NAALADL2: variants seen among roughly 807,000 people sequenced by gnomAD.
The protein encoded by NAALADL2 is N-acetylated alpha-linked acidic dipeptidase like 2, also known as inactive N-acetylated-alpha-linked acidic dipeptidase-like protein 2.
In NAALADL2, 76 loss-of-function variants were observed where a neutral mutation model predicts 87.2. The observed-to-expected ratio is 0.87, with a 90% CI of 0.72 to 1.05. NAALADL2 has a LOEUF of 1.05. Among genes scored for constraint, NAALADL2 ranks in the 50% least tolerant of loss-of-function variants. NAALADL2 has a pLI of 0.00. For missense variants in NAALADL2, 1,089 were observed against 945.8 expected, an observed-to-expected ratio of 1.15 and a Z score of -1.99; for synonymous variants, 354 against 331.0, an observed-to-expected ratio of 1.07 and a Z score of -0.75.
intron 12 of NAALADL2, among the ~76,000 whole-genome samples, chr3:175,746,762 A>C (rs1170727851): frequency 2.0e-5 from 3 of 152,214 alleles, no homozygotes; most frequent in African/African-American, 7.2e-5. Flanking sequence ...AGAGAAGTTT[A>C]ATAAGAGGTT....
chr3:175,686,949 G>C (rs1213764397), intron 11 of NAALADL2, among the ~76,000 whole-genome samples: 4 of 151,998 alleles, frequency 2.6e-5, no homozygotes, highest in African/African-American at 9.7e-5. Flanking sequence ...TCACTCTGTG[G>C]CATTTACACT....
intron 2 of NAALADL2, among the ~76,000 whole-genome samples, chr3:175,192,689 T>C: frequency 6.6e-6 from 1 of 152,072 alleles, no homozygotes; most frequent in East Asian, 1.9e-4. Flanking sequence ...TATTTCTGAA[T>C]GATGACTAAC....
chr3:175,526,164 C>T (rs1478326744), intron 9 of NAALADL2, among the ~76,000 whole-genome samples: 1 of 152,190 alleles, frequency 6.6e-6, no homozygotes, highest in Non-Finnish European at 1.5e-5. Flanking sequence ...TTTGCAGTAG[C>T]AACTAGTGTT....
At chr3:175,591,525 G>C (rs1303609720) in intron 10 of NAALADL2, among the ~76,000 whole-genome samples, 7 of 151,826 alleles carry the variant, frequency 4.6e-5, no homozygotes, top group African/African-American at 9.7e-5. Flanking sequence ...AGAACACTAT[G>C]CTATGCATTA....
intron 2 of NAALADL2, among the ~76,000 whole-genome samples, chr3:175,113,291 G>A (rs1724519555): frequency 6.6e-6 from 1 of 151,538 alleles, no homozygotes; most frequent in South Asian, 2.1e-4. Flanking sequence ...TTCATCAAAT[G>A]TATGGTCAGT....
intron 9 of NAALADL2, among the ~76,000 whole-genome samples, chr3:175,556,495 AAT>A (rs1344944421): frequency 1.3e-5 from 2 of 152,226 alleles, no homozygotes; most frequent in Non-Finnish European, 2.9e-5. Flanking sequence ...CTCTCAAGCT[AAT>A]AGTTTATAAA....
chr3:174,817,889 G>A (rs921702524), intron 3 of NAALADL2, among the ~76,000 whole-genome samples: 32 of 152,074 alleles, frequency 2.1e-4, no homozygotes, highest in Non-Finnish European at 1.5e-5. Flanking sequence ...AAGCTTGTTC[G>A]TTTTCAGATT....
intron 2 of NAALADL2, among the ~76,000 whole-genome samples, chr3:174,606,358 G>A (rs1049327559): frequency 2.0e-5 from 3 of 152,034 alleles, no homozygotes; most frequent in African/African-American, 4.8e-5. Context: ...GGCTTCAGAC[G>A]ATCAAACTAC....
intron 6 of NAALADL2, among the ~76,000 whole-genome samples, chr3:175,455,637 T>C (rs548160277): frequency 9.9e-5 from 15 of 152,196 alleles, no homozygotes; most frequent in Admixed American, 2.0e-4. Context: ...TGAAAATGTG[T>C]GCGCATGTAT....
intron 2 of NAALADL2, among the ~76,000 whole-genome samples, chr3:174,608,534 C>T (rs1233973402): frequency 2.6e-5 from 4 of 151,484 alleles, no homozygotes; most frequent in African/African-American, 7.3e-5. Flanking sequence ...ACTACAAACA[C>T]CTCTACGCAA....
chr3:174,617,791 G>C (rs1720607022), intron 2 of NAALADL2, among the ~76,000 whole-genome samples: 1 of 151,744 alleles, frequency 6.6e-6, no homozygotes, highest in African/African-American at 2.4e-5. Context: ...TATAAACTGG[G>C]TGGGGAATGG....
intron 1 of NAALADL2, among the ~76,000 whole-genome samples, chr3:174,987,583 A>C (rs1383425528): frequency 1.6e-5 from 2 of 122,912 alleles, no homozygotes; most frequent in South Asian, 2.6e-4. Flanking sequence ...AAAAAAAAAA[A>C]AAAAAAAAAA....
intron 2 of NAALADL2, among the ~76,000 whole-genome samples, chr3:174,652,530 G>T (rs1724473465): frequency 6.6e-6 from 1 of 152,154 alleles, no homozygotes; most frequent in Non-Finnish European, 1.5e-5. Flanking sequence ...AAGAGACTGT[G>T]TGCAGGGGAA....
At chr3:174,947,183 T>C (rs1739563266) in intron 1 of NAALADL2, among the ~76,000 whole-genome samples, 2 of 152,156 alleles carry the variant, frequency 1.3e-5, no homozygotes, top group East Asian at 3.9e-4. Context: ...TTTTTCTATA[T>C]TATAGTTATT....
intron 9 of NAALADL2, among the ~76,000 whole-genome samples, chr3:175,485,167 G>A (rs1727066988): frequency 6.6e-6 from 1 of 152,188 alleles, no homozygotes; most frequent in South Asian, 2.1e-4. Flanking sequence ...TACTCATGTT[G>A]TTGCTATGTA....
At chr3:175,613,967 A>G (rs538254213) in intron 10 of NAALADL2, among the ~76,000 whole-genome samples, 1 of 152,180 alleles carries the variant, frequency 6.6e-6, no homozygotes, top group African/African-American at 2.4e-5. Context: ...GTAGGTAAAC[A>G]TATACCTTTT....
intron 4 of NAALADL2, among the ~76,000 whole-genome samples, chr3:175,274,855 T>C (rs545180403): frequency 2.0e-5 from 3 of 152,348 alleles, no homozygotes; most frequent in Non-Finnish European, 2.9e-5. Flanking sequence ...TATATTTTCA[T>C]TTTATTGACA....
chr3:174,760,593 A>C (rs1178171750), intron 3 of NAALADL2, among the ~76,000 whole-genome samples: 1 of 152,214 alleles, frequency 6.6e-6, no homozygotes, highest in Non-Finnish European at 1.5e-5. Context: ...GAGAGCAGGC[A>C]GCAGGATTTG....
At chr3:175,356,361 T>C (rs1764358563) in intron 5 of NAALADL2, among the ~76,000 whole-genome samples, 2 of 151,976 alleles carry the variant, frequency 1.3e-5, no homozygotes, top group African/African-American at 4.8e-5. Context: ...GGTGGGAGGA[T>C]TGCTTGAGCC....
Sources: allele counts gnomAD v4.1 joint callset (sites outside exome capture counted in the v4.1 genomes callset), GRCh38; gene constraint gnomAD v4.1.1; transcripts MANE v1.5; gene names NCBI Gene and HGNC (gene_info 2026-07-23, HGNC 2026-07-21).